The following RBFOX1 variants were observed in gnomAD, a reference collection of about 807,000 sequenced individuals.
RBFOX1 encodes RNA binding protein fox-1 homolog 1.
A neutral mutation model predicts 57.7 loss-of-function variants in RBFOX1; 8 were observed. The observed-to-expected ratio is 0.14, with a 90% CI of 0.08 to 0.25. The LOEUF is 0.25. Among genes scored for constraint, RBFOX1 ranks in the 10% least tolerant of loss-of-function variants. The pLI is 1.00. For synonymous variants in RBFOX1, 326 were observed against 222.4 expected (o/e 1.47, Z -4.15); for missense variants, 611 against 548.5 (o/e 1.11, Z -1.14).
At chr16:6,249,729 T>G (rs2097592450) in intron 1 of RBFOX1, among the ~76,000 whole-genome samples, 1 of 151,210 alleles carries the variant, frequency 6.6e-6, no homozygotes, top group Admixed American at 6.6e-5. Flanking sequence ...GGGAAAACAC[T>G]GGGAAGGTTG....
intron 3 of RBFOX1, among the ~76,000 whole-genome samples, chr16:6,988,454 T>C (rs2090762159): frequency 6.6e-6 from 1 of 152,242 alleles, no homozygotes; most frequent in Non-Finnish European, 1.5e-5. Flanking sequence ...ATTGAGAGTT[T>C]TTAAAAAGTC....
rs59583874 is a variant in RBFOX1 at position 7,510,487 on chromosome 16, CTGTG to C, written c.28-7639_28-7636del. Among the ~76,000 whole-genome samples, 525 of 149,378 alleles carry C rather than the reference CTGTG, an allele frequency of 3.5e-3. 3 individuals carry two copies. Among genetic ancestry groups the C allele is most frequent in the Non-Finnish European group, 5.0e-3 (335 of 67,190 alleles). On this transcript the variant is annotated intron_variant, in intron 4 of 15. Transcript: ENST00000550418. ...AGAGAGTGTGTGTGTGTATGTGTGTCTGTGTGTGTGTGTGTGTGTGTGTGGGCGC... is the reference window on the plus strand; with the variant it reads ...AGAGAGTGTGTGTGTGTATGTGTGTCTGTGTGTGTGTGTGTGTGTGGGCGC...
In RBFOX1 at chr16:7,630,157, G is replaced by A. The variant is rs1193160033; in HGVS notation, c.677-446G>A. The stretch of plus-strand genomic sequence containing the variant: ...AGTCATATGATGCACAGCCATTCTC[G>A]GAGGTAGGTATATTTACCCCTGTTT... On this transcript the variant is annotated intron_variant, in intron 10 of 15. Transcript: ENST00000550418. Among the ~76,000 whole-genome samples, 10 of 151,966 alleles carry A rather than the reference G, an allele frequency of 6.6e-5. 2 individuals carry two copies. The highest frequency in any genetic ancestry group is 4.2e-4 in the South Asian group (2 of 4,792).
intron 3 of RBFOX1, among the ~76,000 whole-genome samples, chr16:6,683,422 T>A (rs1188328864): frequency 6.6e-6 from 1 of 152,192 alleles, no homozygotes; most frequent in Non-Finnish European, 1.5e-5. Context: ...TGCTAATGTA[T>A]TTGGGGAGGA....
At chr16:6,685,465 T>G (rs1302352053) in intron 3 of RBFOX1, among the ~76,000 whole-genome samples, 1 of 121,228 alleles carries the variant, frequency 8.2e-6, no homozygotes, top group East Asian at 2.2e-4. Context: ...TTTTTCTATT[T>G]TTAGTAGAGA....
chr16:5,370,311 A>G (rs1326590244), intron 1 of RBFOX1, among the ~76,000 whole-genome samples: 5 of 152,118 alleles, frequency 3.3e-5, no homozygotes, highest in South Asian at 2.1e-4. Context: ...CGGCATCTCC[A>G]TGAGTTTTGT....
chr16:5,793,364 T>G (rs1418025891), intron 3 of RBFOX1, among the ~76,000 whole-genome samples: 5 of 152,238 alleles, frequency 3.3e-5, no homozygotes. Flanking sequence ...GAAAAGGAAA[T>G]GCAAACCTGA....
intron 4 of RBFOX1, among the ~76,000 whole-genome samples, chr16:7,362,077 T>G (rs998554534): frequency 2.6e-5 from 4 of 151,740 alleles, no homozygotes; most frequent in African/African-American, 7.3e-5. Context: ...ACGTGTTTTT[T>G]GGTGTTAGTT....
intron 1 of RBFOX1, among the ~76,000 whole-genome samples, chr16:5,256,133 C>T (rs2062586062): frequency 3.3e-5 from 5 of 152,256 alleles, no homozygotes; most frequent in Admixed American, 2.6e-4. Context: ...AGGGGAAGGG[C>T]AGAGAGCCAT....
At chr16:6,640,248 A>C (rs981355876) in intron 2 of RBFOX1, among the ~76,000 whole-genome samples, 5 of 152,184 alleles carry the variant, frequency 3.3e-5, no homozygotes, top group Admixed American at 1.3e-4. Context: ...GCCTTTTGCC[A>C]CATTTCCTCA....
intron 1 of RBFOX1, among the ~76,000 whole-genome samples, chr16:6,101,363 T>C (rs1349412963): frequency 6.6e-6 from 1 of 152,246 alleles, no homozygotes; most frequent in Non-Finnish European, 1.5e-5. Context: ...GTCCTCATAC[T>C]GAACCAAGTC....
At chr16:7,631,054 G>T (rs942071337) in intron 11 of RBFOX1, among the ~76,000 whole-genome samples, 1 of 152,204 alleles carries the variant, frequency 6.6e-6, no homozygotes, top group Non-Finnish European at 1.5e-5. Flanking sequence ...CCTAGTAAAA[G>T]ATGCTTAACC....
intron 1 of RBFOX1, among the ~76,000 whole-genome samples, chr16:6,211,303 A>C (rs1239921747): frequency 7.3e-6 from 1 of 137,874 alleles, no homozygotes; most frequent in Non-Finnish European, 1.5e-5. Flanking sequence ...ATCTCCGCTC[A>C]CTGCAAGCTC....
chr16:6,311,427 A>T (rs2080297545), intron 1 of RBFOX1, among the ~76,000 whole-genome samples: 1 of 152,108 alleles, frequency 6.6e-6, no homozygotes, highest in Admixed American at 6.6e-5. Context: ...GAGACCAAGC[A>T]TCTGATGTGG....
intron 3 of RBFOX1, among the ~76,000 whole-genome samples, chr16:7,051,264 G>T (rs926081685): frequency 6.6e-6 from 1 of 152,118 alleles, no homozygotes; most frequent in Non-Finnish European, 1.5e-5. Flanking sequence ...CCTTCTATGT[G>T]TTCCTTTTTA....
intron 4 of RBFOX1, among the ~76,000 whole-genome samples, chr16:7,336,598 G>C (rs896279253): frequency 2.0e-5 from 3 of 152,218 alleles, no homozygotes; most frequent in Non-Finnish European, 4.4e-5. Context: ...GAACTAGTAG[G>C]TAAACCCCAA....
intron 4 of RBFOX1, among the ~76,000 whole-genome samples, chr16:7,225,285 G>T (rs1040977021): frequency 6.6e-6 from 1 of 152,084 alleles, no homozygotes; most frequent in Non-Finnish European, 1.5e-5. Context: ...ATTCCTACGT[G>T]TTGTGGGAGG....
chr16:5,336,149 T>C (rs1223263265), intron 1 of RBFOX1, among the ~76,000 whole-genome samples: 1 of 152,132 alleles, frequency 6.6e-6, no homozygotes, highest in African/African-American at 2.4e-5. Flanking sequence ...TCTTTCAAGA[T>C]GCAGAATGTT....
At chr16:7,244,602 T>G (rs1480520645) in intron 4 of RBFOX1, among the ~76,000 whole-genome samples, 1 of 152,236 alleles carries the variant, frequency 6.6e-6, no homozygotes, top group Non-Finnish European at 1.5e-5. Flanking sequence ...ACAATGGGGT[T>G]GGCCTAGGGC....
Sources: gnomAD v4.1 joint callset for allele counts (sites outside exome capture counted in the v4.1 genomes callset) on GRCh38, gnomAD v4.1.1 for gene constraint, MANE v1.5 for transcripts, NCBI Gene and HGNC (gene_info 2026-07-23, HGNC 2026-07-21) for gene names.